The following CSMD1 variants were observed in gnomAD, a reference collection of about 807,000 sequenced individuals.
CSMD1 encodes CUB and Sushi multiple domains 1.
A neutral mutation model predicts 417.5 loss-of-function variants in CSMD1; 213 were observed. The observed-to-expected ratio is 0.51, with a 90% CI of 0.46 to 0.57. The LOEUF (loss-of-function observed/expected upper bound fraction) is 0.57. CSMD1 is among the 20% of genes least tolerant of loss of function. The pLI, the probability that CSMD1 is intolerant of heterozygous loss-of-function variation, is 0.00. For missense variants in CSMD1, 6,923 were observed against 4,529.7 expected, an observed-to-expected ratio of 1.53 and a Z score of -15.17; for synonymous variants, 2,862 against 1,736.8, an observed-to-expected ratio of 1.65 and a Z score of -16.11.
chr8:3,948,051 T>G (rs928988771), intron 5 of CSMD1, among the ~76,000 whole-genome samples: 1 of 151,888 alleles, frequency 6.6e-6, no homozygotes, highest in African/African-American at 2.4e-5. Flanking sequence ...ACTAAAAATA[T>G]AAAAATTATC....
At chr8:3,276,924 T>TG (rs1802335730) in intron 26 of CSMD1, among the ~76,000 whole-genome samples, 1 of 152,086 alleles carries the variant, frequency 6.6e-6, no homozygotes, top group African/African-American at 2.4e-5. Flanking sequence ...ATTAATAAAA[T>TG]GGTAACCCAC....
chr8:4,199,596 G>A (rs774955695), intron 3 of CSMD1, among the ~76,000 whole-genome samples: 1 of 152,132 alleles, frequency 6.6e-6, no homozygotes, highest in Non-Finnish European at 1.5e-5. Context: ...ATTTATCTTT[G>A]ATTCCTCCTC....
At chr8:4,515,197 A>C (rs539602356) in intron 2 of CSMD1, among the ~76,000 whole-genome samples, 25 of 152,340 alleles carry the variant, frequency 1.6e-4, no homozygotes, top group African/African-American at 5.8e-4. Flanking sequence ...TTCATTAAGT[A>C]GTTAAAAAAT....
intron 2 of CSMD1, among the ~76,000 whole-genome samples, chr8:4,602,926 A>G (rs1391563410): frequency 1.3e-5 from 2 of 151,928 alleles, no homozygotes; most frequent in African/African-American, 4.8e-5. Flanking sequence ...ATAGATTATT[A>G]TGTATGAATG....
At chr8:4,218,862 T>C (rs1800850943) in intron 3 of CSMD1, among the ~76,000 whole-genome samples, 1 of 152,184 alleles carries the variant, frequency 6.6e-6, no homozygotes, top group South Asian at 2.1e-4. Context: ...TCCTGAGACA[T>C]CACCTCCTAT....
At chr8:3,492,942 A>T (rs1253392805) in intron 11 of CSMD1, among the ~76,000 whole-genome samples, 1 of 152,054 alleles carries the variant, frequency 6.6e-6, no homozygotes, top group Non-Finnish European at 1.5e-5. Context: ...AAGCATCTGT[A>T]CCTCTTTAAA....
In CSMD1 at chr8:2,978,874, C is replaced by T. The variant is rs182540893; in HGVS notation, c.8378-74G>A. The stretch of plus-strand genomic sequence containing the variant: ...CAACAAAATAGATCAGAAATGAAGG[C>T]GAATTCCTCATCATTTTAGAAAGTT... On this transcript the variant is annotated intron_variant, in intron 54 of 69. Coordinates refer to ENST00000635120, the MANE Select transcript of CSMD1 (RefSeq NM_033225.6). 1.5e-4 allele frequency: 192 copies of T among 1,279,382 alleles called. 1 individual carries two copies. The East Asian group carries it at 2.8e-3, about 19-fold the overall frequency. 79.3% of individuals were successfully genotyped at this position (1,279,382 alleles called of 1,614,324 possible).
intron 26 of CSMD1, among the ~76,000 whole-genome samples, chr8:3,253,479 G>A (rs1244549455): frequency 1.3e-5 from 2 of 152,208 alleles, no homozygotes; most frequent in Non-Finnish European, 2.9e-5. Context: ...TAGGTGTGGT[G>A]TGGTGCTGAA....
chr8:4,510,210 T>C (rs1197430232), intron 2 of CSMD1, among the ~76,000 whole-genome samples: 3 of 152,004 alleles, frequency 2.0e-5, no homozygotes, highest in South Asian at 2.1e-4. Context: ...TAGTGAGGTC[T>C]CTCCAGCCAT....
intron 1 of CSMD1, among the ~76,000 whole-genome samples, chr8:4,920,169 A>G (rs1003926633): frequency 1.1e-4 from 16 of 152,178 alleles, no homozygotes; most frequent in African/African-American, 3.4e-4. Flanking sequence ...ATGTTGAGTC[A>G]ATGCCTTTTC....
chr8:4,716,477 G>A (rs1584988588), intron 1 of CSMD1, among the ~76,000 whole-genome samples: 1 of 152,038 alleles, frequency 6.6e-6, no homozygotes, highest in Non-Finnish European at 1.5e-5. Flanking sequence ...TTAATAGAAG[G>A]TTTTTAAAGT....
At chr8:4,791,737 A>G (rs989258376) in intron 1 of CSMD1, among the ~76,000 whole-genome samples, 1 of 152,186 alleles carries the variant, frequency 6.6e-6, no homozygotes, top group Non-Finnish European at 1.5e-5. Flanking sequence ...TTTCTGACGA[A>G]GAAGTTCAAT....
chr8:4,004,905 C>T (rs201077605), intron 4 of CSMD1, among the ~76,000 whole-genome samples: 15,349 of 151,786 alleles, frequency 0.1, 913 homozygotes, highest in East Asian at 0.2. Context: ...CCACCATGCC[C>T]AGCTAATTTT....
At chr8:4,608,454 A>T (rs1340981154) in intron 2 of CSMD1, among the ~76,000 whole-genome samples, 1 of 152,214 alleles carries the variant, frequency 6.6e-6, no homozygotes, top group East Asian at 1.9e-4. Flanking sequence ...AGTGGATTGA[A>T]CGTGGAGGAG....
At chr8:3,648,914 G>A (rs922991040) in intron 7 of CSMD1, among the ~76,000 whole-genome samples, 1 of 152,174 alleles carries the variant, frequency 6.6e-6, no homozygotes, top group Admixed American at 6.5e-5. Context: ...ATGACCAAGT[G>A]TAACAACAGC....
At chr8:4,347,606 T>C (rs186485113) in intron 3 of CSMD1, among the ~76,000 whole-genome samples, 1 of 152,194 alleles carries the variant, frequency 6.6e-6, no homozygotes, top group Non-Finnish European at 1.5e-5. Context: ...ATATTGGCCA[T>C]CTGCTCTGAG....
intron 2 of CSMD1, among the ~76,000 whole-genome samples, chr8:4,515,743 G>C (rs1803081670): frequency 6.6e-6 from 1 of 152,198 alleles, no homozygotes; most frequent in Admixed American, 6.5e-5. Flanking sequence ...GCCCAGGGTA[G>C]TCTGGACGTG....
At chr8:4,886,255 G>T (rs1269102441) in intron 1 of CSMD1, among the ~76,000 whole-genome samples, 1 of 152,000 alleles carries the variant, frequency 6.6e-6, no homozygotes, top group Non-Finnish European at 1.5e-5. Context: ...CTCTCAAAAT[G>T]CTGGAATTTC....
chr8:3,017,806 TAAAA>T lies in CSMD1; in HGVS notation c.8029+667_8029+670del, dbSNP rs777717027. 4.5e-3 allele frequency among the ~76,000 whole-genome samples: 341 copies of T among 76,440 alleles called. 2 individuals carry two copies. The highest frequency in any genetic ancestry group is 0.017 in the African/African-American group (305 of 18,370). 50.1% of individuals were successfully genotyped at this position (76,440 alleles called of 152,430 possible). A position where few individuals can be genotyped will look rare whatever the true frequency, so the allele number is the denominator to read the frequency against. On this transcript the variant is annotated intron_variant, in intron 52 of 69. Transcript: ENST00000635120. The stretch of plus-strand genomic sequence containing the variant: ...CCAGTTTCTATGGCTTTGAGTGATT[TAAAA>T]AAAAAAAAAAAAAAAAAAAAAAAAA...
Sources: allele counts gnomAD v4.1 joint callset (sites outside exome capture counted in the v4.1 genomes callset), GRCh38; gene constraint gnomAD v4.1.1; transcripts MANE v1.5; gene names NCBI Gene and HGNC (gene_info 2026-07-23, HGNC 2026-07-21).